Variants in PCDH1 observed in about 807,000 individuals in gnomAD.
PCDH1 encodes protocadherin 1.
Under a neutral mutation model 74.6 loss-of-function variants are expected in PCDH1, and 23 were observed. The observed-to-expected ratio is 0.31, with a 90% CI of 0.22 to 0.44. The LOEUF (loss-of-function observed/expected upper bound fraction) is 0.44, where lower values mean the gene tolerates loss of function less well. PCDH1 is among the 20% of genes least tolerant of loss of function. The pLI, the probability that PCDH1 is intolerant of heterozygous loss-of-function variation, is 1.00. For missense variants in PCDH1, 1,214 were observed against 1,641.4 expected, an observed-to-expected ratio of 0.74 and a Z score of 4.50; for synonymous variants, 647 against 686.1, an observed-to-expected ratio of 0.94 and a Z score of 0.89.
Position 141,865,955 on chromosome 5 carries a change from GTA to G in PCDH1, c.904-530_904-529del, listed in dbSNP as rs1461418958. The stretch of plus-strand genomic sequence containing the variant: ...AAATGTGATATGTTTGTGTGAGAAG[GTA>G]TATGTGTTTGTATGTGTATGATTGT... On this transcript the variant is annotated intron_variant, in intron 2 of 4. Transcript: ENST00000287008. This position sits in a 1 kb window ranked among gnomAD's most constrained non-coding sequence, Gnocchi z 4.4. The G allele has an allele frequency of 1.5e-6, 1 of 655,324 alleles. No homozygotes were observed. Among genetic ancestry groups the G allele is most frequent in the African/African-American group, 2.0e-5 (1 of 51,206 alleles). The allele number at this position is 655,324 out of a possible 1,614,324, so 40.6% of individuals were successfully genotyped here.
rs1357901623 is a variant in PCDH1 at position 141,853,110 on chromosome 5, G to A, written c.*932C>T. ...AACAGTTCCAAAAAAATAGAGATTT[G>A]TATTTTTAAGAAAAATTAAATAAAA... On this transcript the variant is annotated 3_prime_UTR_variant, in exon 5 of 5. Coordinates refer to ENST00000287008, the MANE Select transcript of PCDH1 (RefSeq NM_032420.5). The A allele has an allele frequency of 1.3e-5, 2 of 152,172 alleles. No individual in the cohort carries two copies. Among genetic ancestry groups the A allele is most frequent in the African/African-American group, 4.8e-5 (2 of 41,422 alleles). The allele number at this position is 152,172 out of a possible 1,614,324, so 9.4% of individuals were successfully genotyped here. A position where few individuals can be genotyped will look rare whatever the true frequency, so the allele number is the denominator to read the frequency against.
chr5:141,864,744 A>G lies in PCDH1; in HGVS notation c.1587T>C (p.Thr529=), dbSNP rs1371759439. 6.2e-7 allele frequency: 1 copy of G among 1,614,068 alleles called. No individual in the cohort carries two copies. The highest frequency in any genetic ancestry group is 1.1e-5 in the South Asian group (1 of 91,082). Residue 529 remains threonine (T), a synonymous_variant, in exon 3 of 5, where the codon ACT becomes ACC. Transcript: ENST00000287008. This position sits in a 1 kb window ranked among gnomAD's most constrained non-coding sequence, Gnocchi z 5.9. ...TAGAGCCAGAGTCAGCATCACTGGC[A>G]GTGATCTCAGCAATCACTTCACCAG... ...NKPGEVIAEI[T]ASDADSGSNA...
chr5:141,862,909 A>C, intron 3 of PCDH1: 5 of 1,219,072 alleles, frequency 4.1e-6, no homozygotes, highest in Middle Eastern at 3.2e-4. Context: ...CTCCCCACTT[A>C]CGCTCACCTG....
intron 1 of PCDH1, among the ~76,000 whole-genome samples, chr5:141,876,848 C>T (rs558597152): frequency 1.5e-4 from 23 of 152,324 alleles, no homozygotes; most frequent in Admixed American, 1.1e-3. Context: ...AGCTAAATGG[C>T]TGGAAGAGGG....
Position 141,869,629 on chromosome 5 carries a change from T to A in PCDH1, c.41-198A>T. ...TCCACAGCTGGGTGTAGCAGCAGTG[T>A]CTGCCCCAGCTGGAGGAGCCAGTAA... On this transcript the variant is annotated intron_variant, in intron 1 of 4. Transcript: ENST00000287008. This position sits in a 1 kb window ranked among gnomAD's most constrained non-coding sequence, Gnocchi z 4.9. 6.5e-7 allele frequency: 1 copy of A among 1,534,284 alleles called. No individual in the cohort carries two copies. The highest frequency in any genetic ancestry group is 8.7e-7 in the Non-Finnish European group (1 of 1,146,460).
At chr5:141,867,146 CTT>C (rs1752881659) in intron 2 of PCDH1, among the ~76,000 whole-genome samples, 1 of 152,244 alleles carries the variant, frequency 6.6e-6, no homozygotes, top group Non-Finnish European at 1.5e-5. Flanking sequence ...TTATCTGTCT[CTT>C]GTCTTACCTC....
rs1752203894 is a variant in PCDH1, at chr5:141,853,553, G to C, written c.*489C>G. On this transcript the variant is annotated 3_prime_UTR_variant, in exon 5 of 5. Transcript: ENST00000287008. Reference sequence around the variant, plus strand: ...CCCTACCCCACCTTTGGTAACAAAAGCCCTTCAGGGAGCCACTGGTGGTCA... The same window carrying C: ...CCCTACCCCACCTTTGGTAACAAAACCCCTTCAGGGAGCCACTGGTGGTCA... 1 of 151,516 alleles carries C rather than the reference G, an allele frequency of 6.6e-6. No individual in the cohort carries two copies. The highest frequency in any genetic ancestry group is 2.4e-5 in the African/African-American group (1 of 41,172). 9.4% of individuals were successfully genotyped at this position (151,516 alleles called of 1,614,324 possible). A position where few individuals can be genotyped will look rare whatever the true frequency, so the allele number is the denominator to read the frequency against.
At chr5:141,872,318 C>T (rs1753114844) in intron 1 of PCDH1, among the ~76,000 whole-genome samples, 1 of 152,226 alleles carries the variant, frequency 6.6e-6, no homozygotes, top group Non-Finnish European at 1.5e-5. Context: ...AAAGTCTTGG[C>T]AGGTGAGGCG....
chr5:141,860,265 C>T (rs1007140012), intron 3 of PCDH1, among the ~76,000 whole-genome samples: 1 of 152,184 alleles, frequency 6.6e-6, no homozygotes, highest in Admixed American at 6.5e-5. Flanking sequence ...GTCATCCAAG[C>T]ACTTTGGGAG....
chr5:141,867,068 A>T lies in PCDH1; in HGVS notation c.903+1501T>A, dbSNP rs535761805. Among the ~76,000 whole-genome samples the T allele has an allele frequency of 1.1e-4, 16 of 152,194 alleles. No homozygotes were observed. In the South Asian group the frequency reaches 3.3e-3, roughly 32 times the overall value. ...TAACAGTTTCTCCTCCCCTCACCCC[A>T]GTCTACCTGTCATCAACTTTATGAT... On this transcript the variant is annotated intron_variant, in intron 2 of 4. Coordinates refer to ENST00000287008, the MANE Select transcript of PCDH1 (RefSeq NM_032420.5).
chr5:141,876,771 G>A (rs1034598532), intron 1 of PCDH1, among the ~76,000 whole-genome samples: 3 of 150,604 alleles, frequency 2.0e-5, no homozygotes, highest in African/African-American at 7.3e-5. Flanking sequence ...ACGAACCCAG[G>A]TGTGCGGGAC....
chr5:141,863,370 G>A lies in PCDH1; in HGVS notation c.2961C>T (p.Ala987=), dbSNP rs148646734. Residue 987 remains alanine, a synonymous_variant, in exon 3 of 5, where the codon GCC becomes GCT. Coordinates refer to ENST00000287008, the MANE Select transcript of PCDH1 (RefSeq NM_032420.5). This position sits in a 1 kb window ranked among gnomAD's most constrained non-coding sequence, Gnocchi z 7.5. ...SIQLQPQSPS[A]SKKHQVVQDL... is the part of the protein sequence containing the mutation. ...CCTGTACCACCTGGTGCTTCTTGGA[G>A]GCTGAGGGTGACTGGGGCTGCAGCT... 562 of 1,549,460 alleles carry A rather than the reference G, an allele frequency of 3.6e-4. No individual in the cohort carries two copies. The highest frequency in any genetic ancestry group is 4.6e-4 in the Non-Finnish European group (531 of 1,147,240).
At position 141,864,433 on chromosome 5, in the gene PCDH1, A is replaced by G. The variant is rs1185084345; in HGVS notation, c.1898T>C (p.Met633Thr). ...CTTGTCTCCATCAATGACAGTCACC[A>G]TGCCCACTGGACTCAGTGCTGGCAT... ...ENMPALSPVG[M>T]VTVIDGDKGE... Residue 633 changes from methionine (M) to threonine (T), a missense_variant, in exon 3 of 5, where the codon ATG (methionine) becomes ACG (threonine). Met to Thr is a moderately conservative substitution (Grantham distance 81). Around this residue, in one of 4 missense-constraint regions of PCDH1, gnomAD observed 836 missense variants for 1,182.2 expected, o/e 0.71. Coordinates refer to ENST00000287008, the MANE Select transcript of PCDH1 (RefSeq NM_032420.5). This position sits in a 1 kb window ranked among gnomAD's most constrained non-coding sequence, Gnocchi z 5.9. The G allele has an allele frequency of 6.2e-7, 1 of 1,614,126 alleles. No individual in the cohort carries two copies. The highest frequency in any genetic ancestry group is 2.2e-5 in the East Asian group (1 of 44,876).
chr5:141,856,251 G>A (rs766652863), intron 4 of PCDH1: 60 of 1,535,540 alleles, frequency 3.9e-5, no homozygotes, highest in East Asian at 2.9e-4. Context: ...GGCCTGCTCC[G>A]GCCAGCCGGC....
In PCDH1 at chr5:141,863,994, C is replaced by T. The variant is rs1043100993; in HGVS notation, c.2337G>A (p.Glu779=). 2 of 1,613,930 alleles carry T rather than the reference C, an allele frequency of 1.2e-6. No individual in the cohort carries two copies. Among genetic ancestry groups the T allele is most frequent in the South Asian group, 1.1e-5 (1 of 91,084 alleles). ...GTAGCCCATGGTGGCGCCGCTCAAT[C>T]TCCTTCTCCAGGGTGATGGCACCTG... ...SHSGAITLEK[E]IERRHHGLHR... is the part of the protein sequence containing the mutation. The change falls in exon 3 of 5, where the codon GAG becomes GAA. Residue 779 remains glutamate (E), a synonymous_variant. Transcript: ENST00000287008. This position sits in a 1 kb window ranked among gnomAD's most constrained non-coding sequence, Gnocchi z 7.5.
chr5:141,867,493 T>A, intron 2 of PCDH1: 1 of 433,076 alleles, frequency 2.3e-6, no homozygotes, highest in Admixed American at 2.8e-5. Context: ...GATTAAATGA[T>A]ATAATACACA....
chr5:141,853,894 C>T lies in PCDH1; in HGVS notation c.*148G>A, dbSNP rs1596541754. 4 of 616,788 alleles carry T rather than the reference C, an allele frequency of 6.5e-6. No individual in the cohort carries two copies. The highest frequency in any genetic ancestry group is 1.0e-5 in the Non-Finnish European group (4 of 382,796). 38.2% of individuals were successfully genotyped at this position (616,788 alleles called of 1,614,324 possible). ...ACCTGGACCCTGCATGGGAGAAGGG[C>T]CAGCGTGGTCATGAGGTCAGTGATA... On this transcript the variant is annotated 3_prime_UTR_variant, in exon 5 of 5. Coordinates refer to ENST00000287008, the MANE Select transcript of PCDH1 (RefSeq NM_032420.5).
In PCDH1 at chr5:141,864,927, C is replaced by T. The variant is rs565421665; in HGVS notation, c.1404G>A (p.Lys468=). ...LQTTTPLDYE[K]VKDYTIEIVA... The stretch of plus-strand genomic sequence containing the variant: ...CAATCTCAATGGTGTAGTCTTTGAC[C>T]TTCTCGTAGTCTAGCGGGGTGGTAG... The change falls in exon 3 of 5, where the codon AAG becomes AAA. Residue 468 remains lysine (K), a synonymous_variant. Coordinates refer to ENST00000287008, the MANE Select transcript of PCDH1 (RefSeq NM_032420.5). This position sits in a 1 kb window ranked among gnomAD's most constrained non-coding sequence, Gnocchi z 5.9. The T allele has an allele frequency of 2.5e-5, 40 of 1,614,028 alleles. No individual in the cohort carries two copies. The highest frequency in any genetic ancestry group is 1.6e-4 in the African/African-American group (12 of 74,892).
Position 141,865,235 on chromosome 5 carries a change from G to A in PCDH1, c.1096C>T (p.Pro366Ser), listed in dbSNP as rs545864832. Residue 366 changes from proline to serine, a missense_variant, in exon 3 of 5, where the codon CCC (proline) becomes TCC (serine). By Grantham distance (74) the Pro-to-Ser change is moderately conservative (BLOSUM62 -1). Transcript: ENST00000287008. This position sits in a 1 kb window ranked among gnomAD's most constrained non-coding sequence, Gnocchi z 4.4. ...SVLAKDRGTN[P>S]KSARAQVVVT... Reference sequence around the variant, plus strand: ...ACCACCTGGGCACGGGCACTCTTGGGGTTGGTGCCTCGGTCCTTAGCAAGC... The same window carrying A: ...ACCACCTGGGCACGGGCACTCTTGGAGTTGGTGCCTCGGTCCTTAGCAAGC... The A allele has an allele frequency of 2.5e-5, 40 of 1,614,164 alleles. No individual in the cohort carries two copies. In the South Asian group the frequency reaches 3.3e-4, roughly 13 times the overall value.
Sources: allele counts gnomAD v4.1 joint callset (sites outside exome capture counted in the v4.1 genomes callset), GRCh38; gene constraint gnomAD v4.1.1; regional missense constraint gnomAD v4.1.1; non-coding constraint Gnocchi (gnomAD v3.1); transcripts MANE v1.5; gene names NCBI Gene and HGNC (gene_info 2026-07-23, HGNC 2026-07-21).